DHRS7B: variants seen among roughly 807,000 people sequenced by gnomAD.
The protein encoded by DHRS7B is peroxisomal reductase activating PPAR-gamma.
A neutral mutation model predicts 26.4 loss-of-function variants in DHRS7B; 24 were observed. The ratio of observed to expected loss-of-function variants is 0.91; its 90% CI spans 0.66 to 1.28. The LOEUF is 1.28. DHRS7B is among the 50% of genes most tolerant of loss of function. The probability of loss-of-function intolerance (pLI) is 0.00; values close to 1 mark genes in which losing one functional copy is unlikely to be tolerated. For missense variants in DHRS7B, 368 were observed against 419.4 expected, an observed-to-expected ratio of 0.88 and a Z score of 1.07; for synonymous variants, 142 against 166.4, an observed-to-expected ratio of 0.85 and a Z score of 1.13.
At chr17:21,160,203 A>G (rs761769976) in intron 1 of DHRS7B, among the ~76,000 whole-genome samples, 19 of 152,008 alleles carry the variant, frequency 1.2e-4, no homozygotes, top group Non-Finnish European at 2.1e-4. Context: ...AAAAATATAC[A>G]AAAATTAGCC....
intron 1 of DHRS7B, among the ~76,000 whole-genome samples, chr17:21,154,760 C>A (rs1359475547): frequency 6.6e-6 from 1 of 151,920 alleles, no homozygotes; most frequent in Non-Finnish European, 1.5e-5. Context: ...TATAAATGAA[C>A]ATAAATATGT....
chr17:21,136,371 C>G (rs1973341473), intron 1 of DHRS7B, among the ~76,000 whole-genome samples: 2 of 150,288 alleles, frequency 1.3e-5, no homozygotes, highest in Admixed American at 1.3e-4. Flanking sequence ...AGCCCTGTAA[C>G]TCAATGTCAC....
intron 1 of DHRS7B, among the ~76,000 whole-genome samples, chr17:21,148,289 C>T (rs1172291168): frequency 1.3e-5 from 2 of 151,810 alleles, no homozygotes; most frequent in African/African-American, 4.8e-5. Context: ...AGATAACACA[C>T]ACAAAAAAAA....
chr17:21,127,220 G>T (rs2143821841), intron 1 of DHRS7B: 2 of 501,392 alleles, frequency 4.0e-6, no homozygotes, highest in South Asian at 6.3e-5. Context: ...AAACCCGCCT[G>T]TCGCCGAGGT....
chr17:21,191,147 C>T lies in DHRS7B; in HGVS notation c.972C>T (p.Asn324=), dbSNP rs1439134013. Residue 324 remains asparagine, a synonymous_variant, in exon 7 of 7, where the codon AAC becomes AAT. Coordinates refer to ENST00000395511, the MANE Select transcript of DHRS7B (RefSeq NM_015510.5). ...SRARKERKSK[N]S ...CCAGAAAAGAGCGGAAATCCAAGAA[C>T]TCCTAGTACTCTGACCAGCCAGGGC... The T allele has an allele frequency of 6.2e-7, 1 of 1,613,210 alleles. No homozygotes were observed. Among genetic ancestry groups the T allele is most frequent in the Non-Finnish European group, 8.5e-7 (1 of 1,180,038 alleles).
chr17:21,178,085 C>T (rs1177458686), intron 2 of DHRS7B, 148 bp from the exon 3 acceptor site: 12 of 732,026 alleles, frequency 1.6e-5, no homozygotes, highest in Non-Finnish European at 2.7e-5. Context: ...GGCATTGGGC[C>T]CTAGCTCCCA....
intron 1 of DHRS7B, among the ~76,000 whole-genome samples, chr17:21,143,840 A>G (rs1348953030): frequency 6.6e-6 from 1 of 152,248 alleles, no homozygotes; most frequent in African/African-American, 2.4e-5. Context: ...AGAAGATTAC[A>G]GCGAGGGAGC....
At chr17:21,160,370 T>A (rs965469831) in intron 1 of DHRS7B, among the ~76,000 whole-genome samples, 4 of 151,580 alleles carry the variant, frequency 2.6e-5, no homozygotes, top group South Asian at 4.2e-4. Context: ...AATAAAAAAA[T>A]TTAAAAAATT....
chr17:21,172,939 T>A (rs898910540), intron 2 of DHRS7B, among the ~76,000 whole-genome samples: 1 of 152,228 alleles, frequency 6.6e-6, no homozygotes, highest in Non-Finnish European at 1.5e-5. Flanking sequence ...ACTTGGCACG[T>A]TGCACATGCA....
intron 1 of DHRS7B, among the ~76,000 whole-genome samples, chr17:21,141,432 G>T (rs1261975576): frequency 6.6e-6 from 1 of 151,916 alleles, no homozygotes; most frequent in African/African-American, 2.4e-5. Flanking sequence ...AACAACTTCA[G>T]ACAGGAACAA....
intron 1 of DHRS7B, among the ~76,000 whole-genome samples, chr17:21,138,211 C>CTTTTTTTT (rs901329961): frequency 8.9e-5 from 7 of 78,220 alleles, no homozygotes; most frequent in South Asian, 5.0e-4. Flanking sequence ...ATCCCTCCTT[C>CTTTTTTTT]TTTTTTTTTT....
At chr17:21,161,739 T>C (rs1346433588) in intron 1 of DHRS7B, among the ~76,000 whole-genome samples, 2 of 152,120 alleles carry the variant, frequency 1.3e-5, no homozygotes, top group Non-Finnish European at 2.9e-5. Context: ...CCTCAGGAAA[T>C]ATTTGCTAGG....
chr17:21,136,254 A>T (rs192544355), intron 1 of DHRS7B, among the ~76,000 whole-genome samples: 242 of 151,330 alleles, frequency 1.6e-3, no homozygotes, highest in African/African-American at 5.4e-3. Context: ...GTGAGCCGAG[A>T]TCACACCATT....
At chr17:21,184,577 G>A (rs1974589054) in intron 5 of DHRS7B, 114 bp downstream of exon 5, 1 of 1,040,064 alleles carries the variant, frequency 9.6e-7, no homozygotes, top group Admixed American at 2.5e-5. Flanking sequence ...TATCCAGAAT[G>A]CAAAGGCACT....
At chr17:21,186,639 C>T (rs1490002001) in intron 5 of DHRS7B, among the ~76,000 whole-genome samples, 3 of 152,188 alleles carry the variant, frequency 2.0e-5, no homozygotes, top group African/African-American at 4.8e-5. Context: ...TGACGGATGC[C>T]CCTTCTTTCC....
At chr17:21,178,092 C>T (rs1942921772) in intron 2 of DHRS7B, 141 bp from the exon 3 acceptor site, 4 of 770,440 alleles carry the variant, frequency 5.2e-6, no homozygotes, top group Non-Finnish European at 8.4e-6. Flanking sequence ...GGCCCTAGCT[C>T]CCAGCTTCAT....
intron 1 of DHRS7B, among the ~76,000 whole-genome samples, chr17:21,133,405 C>G (rs1192251970): frequency 7.7e-6 from 1 of 130,110 alleles, no homozygotes; most frequent in East Asian, 2.2e-4. Flanking sequence ...GGCAGGACCA[C>G]TCAAAGTGGG....
chr17:21,155,181 A>G (rs573963832), intron 1 of DHRS7B, among the ~76,000 whole-genome samples: 4 of 152,348 alleles, frequency 2.6e-5, no homozygotes, highest in Non-Finnish European at 5.9e-5. Context: ...CAGTTACATC[A>G]TTTAAAAGGC....
At chr17:21,137,213 C>CT (rs543338070) in intron 1 of DHRS7B, among the ~76,000 whole-genome samples, 65 of 151,956 alleles carry the variant, frequency 4.3e-4, no homozygotes, top group Admixed American at 3.7e-3. Flanking sequence ...TCAGGTGATC[C>CT]ACCTGCCTTG....
Sources: gnomAD v4.1 joint callset for allele counts (sites outside exome capture counted in the v4.1 genomes callset) on GRCh38, gnomAD v4.1.1 for gene constraint, MANE v1.5 for transcripts, NCBI Gene and HGNC (gene_info 2026-07-23, HGNC 2026-07-21) for gene names.